Variants in DENND5B observed in about 807,000 individuals in gnomAD.
DENND5B encodes DENN domain containing 5B.
In DENND5B, 34 loss-of-function variants were observed where a neutral mutation model predicts 140.6. That is an observed-to-expected ratio of 0.24 (90% CI 0.18 to 0.32). DENND5B has a LOEUF of 0.32. Ranked by LOEUF, DENND5B falls within the 10% of genes least tolerant of loss-of-function variation. The pLI is 1.00. For synonymous variants in DENND5B, 551 were observed against 562.1 expected (o/e 0.98, Z 0.28); for missense variants, 1,142 against 1,560.2 (o/e 0.73, Z 4.52).
intron 3 of DENND5B, chr12:31,477,940 G>C (rs942071278): frequency 8.8e-6 from 2 of 226,332 alleles, no homozygotes; most frequent in Non-Finnish European, 2.0e-5. Context: ...TGGGGAATTA[G>C]TGCAGTGGCA....
Position 31,524,233 on chromosome 12 carries a change from C to T in DENND5B, c.128-28314G>A, listed in dbSNP as rs1045164440. Among the ~76,000 whole-genome samples, 7 of 152,114 alleles carry T rather than the reference C, an allele frequency of 4.6e-5. No individual in the cohort carries two copies. In the East Asian group the frequency reaches 1.3e-3, roughly 29 times the overall value. On this transcript the variant is annotated intron_variant, in intron 1 of 20. Coordinates refer to ENST00000389082, the MANE Select transcript of DENND5B (RefSeq NM_144973.4). ...GAAACTCTAAGAGGTCTATTTCTCT[C>T]CTTTTGAATTTGGGCTTGCCTTGTG...
intron 1 of DENND5B, among the ~76,000 whole-genome samples, chr12:31,541,357 G>GA (rs374316765): frequency 2.0e-5 from 3 of 151,916 alleles, no homozygotes; most frequent in South Asian, 2.1e-4. Flanking sequence ...AACTCTACAG[G>GA]AAAAAAAATC....
intron 1 of DENND5B, among the ~76,000 whole-genome samples, chr12:31,511,494 A>C (rs80079245): frequency 0.022 from 3,272 of 151,682 alleles, 112 homozygotes; most frequent in African/African-American, 0.076. Flanking sequence ...TAAAGCATTT[A>C]TCTTCCTTTC....
At chr12:31,435,807 C>A (rs1943725533) in intron 7 of DENND5B, among the ~76,000 whole-genome samples, 1 of 151,664 alleles carries the variant, frequency 6.6e-6, no homozygotes. Flanking sequence ...ATCACAGGTG[C>A]ACACCACCAC....
At chr12:31,543,141 G>A (rs757576979) in intron 1 of DENND5B, among the ~76,000 whole-genome samples, 6 of 152,154 alleles carry the variant, frequency 3.9e-5, no homozygotes, top group Non-Finnish European at 7.4e-5. Flanking sequence ...CCAGGAGGTT[G>A]AGGCTACAGT....
chr12:31,539,575 A>G (rs1270211), intron 1 of DENND5B, among the ~76,000 whole-genome samples: 11,872 of 152,236 alleles, frequency 0.078, 1,062 homozygotes, highest in African/African-American at 0.22. Context: ...AGTTCAACAT[A>G]TGCAAATCAA....
At chr12:31,520,480 G>A (rs1678243743) in intron 1 of DENND5B, among the ~76,000 whole-genome samples, 1 of 152,124 alleles carries the variant, frequency 6.6e-6, no homozygotes, top group South Asian at 2.1e-4. Context: ...AACTTAGTAA[G>A]CAAAGAAAGT....
intron 1 of DENND5B, among the ~76,000 whole-genome samples, chr12:31,557,147 CAT>C (rs992110689): frequency 1.3e-5 from 2 of 152,132 alleles, no homozygotes; most frequent in Non-Finnish European, 2.9e-5. Context: ...GATTTTACTA[CAT>C]ATGATTAGTA....
At chr12:31,394,714 C>T (rs1162384502) in intron 17 of DENND5B, among the ~76,000 whole-genome samples, 2 of 151,516 alleles carry the variant, frequency 1.3e-5, no homozygotes, top group Admixed American at 6.6e-5. Context: ...CCCGGGTTCA[C>T]GCCATTCTCC....
intron 1 of DENND5B, among the ~76,000 whole-genome samples, chr12:31,539,383 G>C (rs1482015499): frequency 3.9e-5 from 6 of 152,012 alleles, no homozygotes; most frequent in Non-Finnish European, 8.8e-5. Flanking sequence ...CTCACTCTAT[G>C]AGGCCTGTAT....
Position 31,479,710 on chromosome 12 carries a change from G to A in DENND5B, c.783C>T (p.Pro261=), listed in dbSNP as rs1221397127. 1 of 1,596,620 alleles carries A rather than the reference G, an allele frequency of 6.3e-7. No homozygotes were observed. Among genetic ancestry groups the A allele is most frequent in the Non-Finnish European group, 8.5e-7 (1 of 1,171,632 alleles). Residue 261 remains proline, a synonymous_variant, in exon 3 of 21, where the codon CCC becomes CCT. Transcript: ENST00000389082. ...GGTAATCAGAGAGGGGGAGTTCACT[G>A]GGCCCAGGCCTCTGGCAGATGACAG... ...YEPVICQRPG[P]SELPLSDYPL...
At chr12:31,405,511 C>CATGTATGTATGTACGT (rs1942072692) in intron 14 of DENND5B, among the ~76,000 whole-genome samples, 2 of 144,704 alleles carry the variant, frequency 1.4e-5, no homozygotes, top group East Asian at 4.2e-4. Context: ...AGCCACCTGC[C>CATGTATGTATGTACGT]ATGTATGTAT....
rs900861275 is a variant in DENND5B, at chr12:31,541,161, G to C, written c.128-45242C>G. 9 of 280,856 alleles carry C rather than the reference G, an allele frequency of 3.2e-5. No homozygotes were observed. The Admixed American group carries it at 3.5e-4, about 11-fold the overall frequency. The allele number at this position is 280,856 out of a possible 1,614,324, so 17.4% of individuals were successfully genotyped here. A position where few individuals can be genotyped will look rare whatever the true frequency, so the allele number is the denominator to read the frequency against. ...ACACTGGAGTGGGCAAGGATTTCTTGAGTAATACCCCACAAGCACAGGCAA... is the reference window on the plus strand; with the variant it reads ...ACACTGGAGTGGGCAAGGATTTCTTCAGTAATACCCCACAAGCACAGGCAA... On this transcript the variant is annotated intron_variant, in intron 1 of 20. Transcript: ENST00000389082.
chr12:31,551,819 T>C (rs1949072892), intron 1 of DENND5B, among the ~76,000 whole-genome samples: 1 of 152,274 alleles, frequency 6.6e-6, no homozygotes, highest in Non-Finnish European at 1.5e-5. Flanking sequence ...TTATTCTCTT[T>C]GAAGCAATTG....
chr12:31,468,093 A>G (rs1265600421), intron 3 of DENND5B, among the ~76,000 whole-genome samples: 1 of 152,050 alleles, frequency 6.6e-6, no homozygotes, highest in Non-Finnish European at 1.5e-5. Context: ...ACCTCTAAAA[A>G]AAATTTAAAA....
intron 2 of DENND5B, among the ~76,000 whole-genome samples, chr12:31,481,854 T>C (rs1195068891): frequency 6.6e-6 from 1 of 152,084 alleles, no homozygotes; most frequent in Non-Finnish European, 1.5e-5. Flanking sequence ...GGGGAGTGGT[T>C]TTCAAAGGGG....
intron 11 of DENND5B, among the ~76,000 whole-genome samples, chr12:31,419,040 AG>A (rs1462360600): frequency 1.3e-5 from 2 of 152,216 alleles, no homozygotes; most frequent in African/African-American, 4.8e-5. Flanking sequence ...AGAGTTTAAA[AG>A]CCTGTGAGCA....
chr12:31,430,545 C>G (rs1291214309), intron 8 of DENND5B, among the ~76,000 whole-genome samples: 2 of 147,006 alleles, frequency 1.4e-5, no homozygotes, highest in Non-Finnish European at 3.0e-5. Flanking sequence ...GTGGTACGTG[C>G]CTGTAGTCCC....
At chr12:31,477,476 C>G (rs1945871947) in intron 3 of DENND5B, 1 of 152,284 alleles carries the variant, frequency 6.6e-6, no homozygotes, top group African/African-American at 2.4e-5. Context: ...TTAGCAGGCG[C>G]TCTCTCTAAA....
Sources: gnomAD v4.1 joint callset for allele counts (sites outside exome capture counted in the v4.1 genomes callset) on GRCh38, gnomAD v4.1.1 for gene constraint, MANE v1.5 for transcripts, NCBI Gene and HGNC (gene_info 2026-07-23, HGNC 2026-07-21) for gene names.